The following SIRPA variants were observed in gnomAD, a reference collection of about 807,000 sequenced individuals.
SIRPA encodes the protein tyrosine-protein phosphatase non-receptor type substrate 1.
SIRPA carries 9 observed loss-of-function variants against 50.3 expected under a neutral mutation model. The ratio of observed to expected loss-of-function variants is 0.18; its 90% CI spans 0.11 to 0.31. SIRPA has a LOEUF of 0.31. Ranked by LOEUF, SIRPA falls within the 10% of genes least tolerant of loss-of-function variation. SIRPA has a pLI of 1.00. For synonymous variants in SIRPA, 265 were observed against 284.1 expected, an observed-to-expected ratio of 0.93 and a Z score of 0.68; for missense variants, 474 against 661.6, an observed-to-expected ratio of 0.72 and a Z score of 3.11.
At position 1,932,314 on chromosome 20, in the gene SIRPA, G is replaced by A. The variant is rs1312384161; in HGVS notation, c.1227-2401G>A. On this transcript the variant is annotated intron_variant, in intron 6 of 7. Transcript: ENST00000358771. The surrounding 1 kb of genome is among the most constrained non-coding windows in gnomAD (Gnocchi z 6.0). The stretch of plus-strand genomic sequence containing the variant: ...AGATCAAGGAGGTGGGGTCTGGGGC[G>A]AGCAGGGAGGGCTTGTCTGCAAGGT... Among the ~76,000 whole-genome samples, 1 of 152,150 alleles carries A rather than the reference G, an allele frequency of 6.6e-6. No individual in the cohort carries two copies. The highest frequency in any genetic ancestry group is 1.5e-5 in the Non-Finnish European group (1 of 68,022).
intron 6 of SIRPA, among the ~76,000 whole-genome samples, chr20:1,929,202 CTT>C (rs1161223126): frequency 2.0e-5 from 3 of 151,974 alleles, no homozygotes; most frequent in Non-Finnish European, 4.4e-5. Flanking sequence ...CACGATCTGA[CTT>C]TTGTTTTAAA....
At chr20:1,908,639 C>T (rs184574948) in intron 1 of SIRPA, among the ~76,000 whole-genome samples, 34 of 152,290 alleles carry the variant, frequency 2.2e-4, no homozygotes, top group Admixed American at 1.5e-3. Context: ...GCTCTGTACA[C>T]GCATACATGT....
At position 1,928,581 on chromosome 20, in the gene SIRPA, G is replaced by A. The variant is rs543412623; in HGVS notation, c.1226+682G>A. On this transcript the variant is annotated intron_variant, in intron 6 of 7. Coordinates refer to ENST00000358771, the MANE Select transcript of SIRPA (RefSeq NM_001040023.2). This position sits in a 1 kb window ranked among gnomAD's most constrained non-coding sequence, Gnocchi z 4.9. ...TAAACGCAGAAATAAAGTGATTCAT[G>A]GTGTCATATCAGGTGGTGACAACTC... Among the ~76,000 whole-genome samples the A allele has an allele frequency of 1.3e-5, 2 of 152,300 alleles. No homozygotes were observed. Among genetic ancestry groups the A allele is most frequent in the African/African-American group, 4.8e-5 (2 of 41,552 alleles).
Position 1,918,299 on chromosome 20 carries a change from A to G in SIRPA, c.436+2844A>G, listed in dbSNP as rs372003166. On this transcript the variant is annotated intron_variant, in intron 2 of 7. Transcript: ENST00000358771. ...CTGCAACCTCCACCTCCTGGGTTCA[A>G]GCGATTCTGCTTCAACCTCCCAAGT... Among the ~76,000 whole-genome samples, 26 of 151,312 alleles carry G rather than the reference A, an allele frequency of 1.7e-4. No homozygotes were observed. The South Asian group carries it at 5.2e-3, about 30-fold the overall frequency.
Position 1,920,533 on chromosome 20 carries a change from G to A in SIRPA, c.437-862G>A, listed in dbSNP as rs75187839. 5.7e-3 allele frequency among the ~76,000 whole-genome samples: 863 copies of A among 152,314 alleles called. 12 individuals carry two copies. Among genetic ancestry groups the A allele is most frequent in the African/African-American group, 0.02 (813 of 41,566 alleles). On this transcript the variant is annotated intron_variant, in intron 2 of 7. Transcript: ENST00000358771. Reference sequence around the variant, plus strand: ...GTGCTTCTGCCTGCTTGGGCGCCCTGTGTCTGTGTAATTAATTGATAATTA... The same window carrying A: ...GTGCTTCTGCCTGCTTGGGCGCCCTATGTCTGTGTAATTAATTGATAATTA...
At chr20:1,907,289 A>G (rs910310307) in intron 1 of SIRPA, among the ~76,000 whole-genome samples, 6 of 152,200 alleles carry the variant, frequency 3.9e-5, no homozygotes, top group African/African-American at 1.2e-4. Flanking sequence ...AGCAGTTTCT[A>G]TCACAGCACC....
intron 2 of SIRPA, among the ~76,000 whole-genome samples, chr20:1,917,061 C>T (rs1302278612): frequency 6.6e-6 from 1 of 152,150 alleles, no homozygotes; most frequent in Non-Finnish European, 1.5e-5. Flanking sequence ...AGGTGTGACC[C>T]AGATCTGCTG....
At chr20:1,906,965 A>G (rs2123031047) in intron 1 of SIRPA, among the ~76,000 whole-genome samples, 1 of 152,278 alleles carries the variant, frequency 6.6e-6, no homozygotes, top group South Asian at 2.1e-4. Context: ...AGGGGGCTGC[A>G]TTTCCTGTTT....
rs1986392580 is a variant in SIRPA, at chr20:1,933,324, G to A, written c.1227-1391G>A. 6.6e-6 allele frequency among the ~76,000 whole-genome samples: 1 copy of A among 152,042 alleles called. No individual in the cohort carries two copies. On this transcript the variant is annotated intron_variant, in intron 6 of 7. Transcript: ENST00000358771. The surrounding 1 kb of genome is among the most constrained non-coding windows in gnomAD (Gnocchi z 4.4). ...GTTGAGTCTTGAAGGAAACAGGAAA[G>A]TTAGCCAAGAGGAAAAATGATCAAA...
chr20:1,921,575 C>T lies in SIRPA; in HGVS notation c.617C>T (p.Ser206Phe). ...TNVDPVGESV[S>F]YSIHSTAKVV... ...GTGGACCCCGTAGGAGAGAGCGTGT[C>T]CTACAGCATCCACAGCACAGCCAAG... Residue 206 changes from serine to phenylalanine, a missense_variant, in exon 3 of 8, where the codon TCC (serine) becomes TTC (phenylalanine). Ser to Phe is a radical substitution (Grantham distance 155). Transcript: ENST00000358771. 1 of 1,614,240 alleles carries T rather than the reference C, an allele frequency of 6.2e-7. No individual in the cohort carries two copies. Among genetic ancestry groups the T allele is most frequent in the Non-Finnish European group, 8.5e-7 (1 of 1,180,052 alleles).
At chr20:1,930,020 C>T (rs1013698446) in intron 6 of SIRPA, among the ~76,000 whole-genome samples, 1 of 152,176 alleles carries the variant, frequency 6.6e-6, no homozygotes, top group Non-Finnish European at 1.5e-5. Flanking sequence ...CCTCCTCCCC[C>T]TTGCACACTG....
At chr20:1,894,962 G>A (rs1341797528), upstream of SIRPA, among the ~76,000 whole-genome samples, 1 of 147,394 alleles carries the variant, frequency 6.8e-6, no homozygotes, top group Non-Finnish European at 1.5e-5. The surrounding 1 kb of genome is among the most constrained non-coding windows in gnomAD (Gnocchi z 4.0). Context: ...GCCCGGGCGG[G>A]GCAGGTGGGC....
chr20:1,906,512 T>C (rs1460882165), intron 1 of SIRPA, among the ~76,000 whole-genome samples: 3 of 151,886 alleles, frequency 2.0e-5, no homozygotes, highest in African/African-American at 7.3e-5. Context: ...GCCAGACATG[T>C]AGATATTTAG....
intron 7 of SIRPA, among the ~76,000 whole-genome samples, chr20:1,935,764 T>C (rs989909313): frequency 6.6e-6 from 1 of 152,200 alleles, no homozygotes; most frequent in Admixed American, 6.5e-5. Context: ...TGCCACGCAC[T>C]GGACAGTGAG....
rs554107294 is a variant in SIRPA at position 1,927,170 on chromosome 20, C to T, written c.1202-705C>T. The stretch of plus-strand genomic sequence containing the variant: ...TGGCAGCCTCCAGCCTATTAAAGTG[C>T]GGTGCAGAGTGCATTTGGGTGTGCA... On this transcript the variant is annotated intron_variant, in intron 5 of 7. Transcript: ENST00000358771. This position sits in a 1 kb window ranked among gnomAD's most constrained non-coding sequence, Gnocchi z 6.5. Among the ~76,000 whole-genome samples the T allele has an allele frequency of 1.1e-4, 16 of 152,328 alleles. No individual in the cohort carries two copies. Among genetic ancestry groups the T allele is most frequent in the South Asian group, 4.1e-4 (2 of 4,820 alleles).
At chr20:1,905,147 GT>G (rs1237435786) in intron 1 of SIRPA, among the ~76,000 whole-genome samples, 2 of 152,206 alleles carry the variant, frequency 1.3e-5, no homozygotes, top group Non-Finnish European at 1.5e-5. Context: ...GAAAAATCCC[GT>G]CAGTCCGGAG....
chr20:1,904,171 G>A lies in SIRPA; in HGVS notation c.79+8645G>A, dbSNP rs75957276. Among the ~76,000 whole-genome samples, 736 of 152,316 alleles carry A rather than the reference G, an allele frequency of 4.8e-3. 6 individuals carry two copies. Among genetic ancestry groups the A allele is most frequent in the African/African-American group, 0.017 (691 of 41,566 alleles). ...ACCACAATTCCCTGCCCATCAAGCT[G>A]TCATGAATAGCCCTAAGATATCAGG... On this transcript the variant is annotated intron_variant, in intron 1 of 7. Coordinates refer to ENST00000358771, the MANE Select transcript of SIRPA (RefSeq NM_001040023.2).
rs1403539600 is a variant in SIRPA at position 1,922,460 on chromosome 20, C to T, written c.902C>T (p.Thr301Ile). ...GTGTCCCGGACAGAAACGGCCTCAA[C>T]CGTTACAGAGAACAAGGATGGTACC... ...GNVSRTETAS[T>I]VTENKDGTYN... The change falls in exon 4 of 8, where the codon ACC (threonine) becomes ATC (isoleucine). Residue 301 changes from threonine (T) to isoleucine (I), a missense_variant. Thr to Ile is a moderately conservative substitution (Grantham distance 89). Around this residue, in one of 4 missense-constraint regions of SIRPA, gnomAD observed 221 missense variants for 359.9 expected, o/e 0.61. Transcript: ENST00000358771. 3.7e-6 allele frequency: 6 copies of T among 1,614,250 alleles called. No homozygotes were observed. In the East Asian group the frequency reaches 6.7e-5, roughly 18 times the overall value.
chr20:1,911,281 A>C (rs1984872152), intron 1 of SIRPA, among the ~76,000 whole-genome samples: 1 of 152,224 alleles, frequency 6.6e-6, no homozygotes, highest in Non-Finnish European at 1.5e-5. Flanking sequence ...TAGTTACCTA[A>C]AGGTATGATG....
Sources: gnomAD v4.1 joint callset for allele counts (sites outside exome capture counted in the v4.1 genomes callset) on GRCh38, gnomAD v4.1.1 for gene constraint, gnomAD v4.1.1 regional missense constraint, Gnocchi (gnomAD v3.1) non-coding constraint, MANE v1.5 for transcripts, NCBI Gene and HGNC (gene_info 2026-07-23, HGNC 2026-07-21) for gene names.